Variants in ASPH observed in about 807,000 individuals in gnomAD.
The protein encoded by ASPH is aspartyl/asparaginyl beta-hydroxylase.
Under a neutral mutation model 118.4 loss-of-function variants are expected in ASPH, and 100 were observed. The ratio of observed to expected loss-of-function variants is 0.84; its 90% CI spans 0.72 to 1.00. ASPH has a LOEUF of 1.00. Among genes scored for constraint, ASPH ranks in the 50% least tolerant of loss-of-function variants. The pLI is 0.00. For missense variants in ASPH, 920 were observed against 919.5 expected (o/e 1.00, Z -0.01); for synonymous variants, 315 against 325.6 (o/e 0.97, Z 0.35).
intron 15 of ASPH, among the ~76,000 whole-genome samples, chr8:61,582,555 G>A (rs939258288): frequency 1.1e-4 from 16 of 152,210 alleles, no homozygotes; most frequent in Admixed American, 8.5e-4. Flanking sequence ...ATCATTCCAC[G>A]TGGTTAGATT....
At chr8:61,605,626 A>T (rs965116269) in intron 14 of ASPH, among the ~76,000 whole-genome samples, 3 of 152,192 alleles carry the variant, frequency 2.0e-5, no homozygotes, top group Non-Finnish European at 2.9e-5. Flanking sequence ...CTATAAGGAA[A>T]ATGCTCACTG....
At chr8:61,608,363 C>T (rs1846217854) in intron 14 of ASPH, among the ~76,000 whole-genome samples, 1 of 152,182 alleles carries the variant, frequency 6.6e-6, no homozygotes, top group Non-Finnish European at 1.5e-5. Context: ...CAGGCAGTAA[C>T]AGCTGCCTCA....
intron 6 of ASPH, among the ~76,000 whole-genome samples, chr8:61,646,302 T>C (rs1807942722): frequency 6.6e-6 from 1 of 152,162 alleles, no homozygotes; most frequent in South Asian, 2.1e-4. Flanking sequence ...AAACCTGAAA[T>C]ATTTACTCTC....
chr8:61,708,607 C>G (rs1050966215), intron 1 of ASPH, among the ~76,000 whole-genome samples: 2 of 152,106 alleles, frequency 1.3e-5, no homozygotes, highest in Non-Finnish European at 2.9e-5. Flanking sequence ...TGACTCTGCA[C>G]TATGGAATGG....
chr8:61,638,442 G>C (rs900175724), intron 10 of ASPH, 79 bp from the exon 11 acceptor site: 2 of 1,235,498 alleles, frequency 1.6e-6, no homozygotes, highest in East Asian at 2.3e-5. Context: ...TAAGGGCAGA[G>C]ACAATGCCTT....
At chr8:61,506,074 G>A (rs1057309388) in intron 24 of ASPH, among the ~76,000 whole-genome samples, 3 of 152,142 alleles carry the variant, frequency 2.0e-5, no homozygotes, top group Non-Finnish European at 4.4e-5. Context: ...AGCCACCCAC[G>A]TATCTATCAG....
At chr8:61,662,402 G>A (rs1303731386) in intron 3 of ASPH, among the ~76,000 whole-genome samples, 1 of 152,036 alleles carries the variant, frequency 6.6e-6, no homozygotes, top group Non-Finnish European at 1.5e-5. Flanking sequence ...CAACTACCTA[G>A]TATTGTGAAT....
chr8:61,567,451 T>C, intron 16 of ASPH, 133 bp from the exon 17 acceptor site: 1 of 948,260 alleles, frequency 1.1e-6, no homozygotes, highest in Non-Finnish European at 1.5e-6. Flanking sequence ...TTTCTCCTTA[T>C]CAAGAGATAA....
intron 1 of ASPH, among the ~76,000 whole-genome samples, chr8:61,685,438 A>T (rs773293024): frequency 1.2e-4 from 18 of 152,102 alleles, no homozygotes; most frequent in Non-Finnish European, 7.4e-5. Context: ...CTAAGAACAT[A>T]CTCTCATCTC....
intron 13 of ASPH, 38 bp from the exon 14 acceptor site, chr8:61,619,057 A>T (rs1256371545): frequency 4.9e-6 from 7 of 1,422,714 alleles, no homozygotes; most frequent in Non-Finnish European, 6.9e-6. Context: ...GTACTATGCA[A>T]GTCACCATTC....
rs1487695279 is a variant in ASPH, at chr8:61,638,350, A to G, written c.804T>C (p.Pro268=). ...QVYEEQAVYE[P]LENEGIEITE... The stretch of plus-strand genomic sequence containing the variant: ...TGATTTCTATCCCTTCATTTTCTAG[A>G]GGTTCATATACTGCTAAAAAAAAAA... The change falls in exon 11 of 25, where the codon CCT becomes CCC. Residue 268 remains proline, a synonymous_variant. Coordinates refer to ENST00000379454, the MANE Select transcript of ASPH (RefSeq NM_004318.4). 1 of 1,588,974 alleles carries G rather than the reference A, an allele frequency of 6.3e-7. No homozygotes were observed. The highest frequency in any genetic ancestry group is 2.2e-5 in the East Asian group (1 of 44,558).
chr8:61,630,894 A>C (rs185392120), intron 13 of ASPH, among the ~76,000 whole-genome samples: 2 of 152,068 alleles, frequency 1.3e-5, no homozygotes, highest in Non-Finnish European at 2.9e-5. Flanking sequence ...GGAGATGACA[A>C]CTCTATGCCT....
intron 3 of ASPH, among the ~76,000 whole-genome samples, chr8:61,669,425 T>G (rs1426307320): frequency 1.3e-5 from 2 of 152,200 alleles, no homozygotes; most frequent in African/African-American, 4.8e-5. Flanking sequence ...ATGGTTATAT[T>G]TGTCCACTTA....
intron 3 of ASPH, among the ~76,000 whole-genome samples, chr8:61,676,934 T>C (rs540972194): frequency 6.6e-6 from 1 of 152,216 alleles, no homozygotes; most frequent in Admixed American, 6.6e-5. Context: ...ACTCAAATTA[T>C]GTAACTCAGA....
chr8:61,503,834 C>T (rs1805424705), intron 24 of ASPH, among the ~76,000 whole-genome samples: 1 of 152,198 alleles, frequency 6.6e-6, no homozygotes, highest in Non-Finnish European at 1.5e-5. Context: ...CTGGTTTAGA[C>T]ATATGGGCAG....
At chr8:61,615,409 CCT>C (rs1443803669) in intron 14 of ASPH, among the ~76,000 whole-genome samples, 1 of 152,118 alleles carries the variant, frequency 6.6e-6, no homozygotes, top group Admixed American at 6.6e-5. Flanking sequence ...CTTCACACTG[CCT>C]CTTATATTTT....
chr8:61,574,596 G>C (rs1834499059), intron 16 of ASPH, among the ~76,000 whole-genome samples: 1 of 152,138 alleles, frequency 6.6e-6, no homozygotes. Flanking sequence ...ACTAACACAG[G>C]AACAGAAAAC....
At position 61,546,231 on chromosome 8, in the gene ASPH, T is replaced by C. The variant is rs985682256; in HGVS notation, c.1764+1840A>G. 1.2e-4 allele frequency among the ~76,000 whole-genome samples: 18 copies of C among 152,354 alleles called. 1 individual carries two copies. The highest frequency in any genetic ancestry group is 9.8e-4 in the Admixed American group (15 of 15,306). On this transcript the variant is annotated intron_variant, in intron 21 of 24. Coordinates refer to ENST00000379454, the MANE Select transcript of ASPH (RefSeq NM_004318.4). ...AGCCAAGAACATCTTCCCTTGATTA[T>C]ACTGCCCCGAAGTCTGCCCTACTGC...
chr8:61,515,564 C>T (rs1810596249), intron 24 of ASPH, among the ~76,000 whole-genome samples: 1 of 152,182 alleles, frequency 6.6e-6, no homozygotes, highest in Non-Finnish European at 1.5e-5. Flanking sequence ...ATAAGTCTGA[C>T]TCTCAAATCT....
Sources: allele counts gnomAD v4.1 joint callset (sites outside exome capture counted in the v4.1 genomes callset), GRCh38; gene constraint gnomAD v4.1.1; transcripts MANE v1.5; gene names NCBI Gene and HGNC (gene_info 2026-07-23, HGNC 2026-07-21).